DNAH8: variants seen among roughly 807,000 people sequenced by gnomAD.
DNAH8 encodes the protein dynein axonemal heavy chain 8, also known as axonemal beta dynein heavy chain 8.
DNAH8 carries 382 observed loss-of-function variants against 562.1 expected under a neutral mutation model. The observed-to-expected ratio is 0.68, with a 90% CI of 0.63 to 0.74. DNAH8 has a LOEUF of 0.74. DNAH8 is among the 30% of genes least tolerant of loss of function. The probability of loss-of-function intolerance (pLI) is 0.00; values close to 1 mark genes in which losing one functional copy is unlikely to be tolerated. For synonymous variants in DNAH8, 1,881 were observed against 1,919.4 expected, an observed-to-expected ratio of 0.98 and a Z score of 0.52; for missense variants, 5,203 against 5,620.4, an observed-to-expected ratio of 0.93 and a Z score of 2.37.
Position 38,938,099 on chromosome 6 carries a change from G to A in DNAH8, c.11689G>A (p.Glu3897Lys), listed in dbSNP as rs1783115290. ...TEIKINAAQE[E>K]FRPAATRGSI... ...GATCAAGATCAACGCGGCTCAGGAG[G>A]AGTTCCGGCCCGCAGCCACCCGCGG... The change falls in exon 78 of 93, where the codon GAG becomes AAG. Residue 3897 changes from glutamate to lysine, a missense_variant. Physicochemically the swap from Glu to Lys is moderately conservative, Grantham distance 56. Around this residue, in one of 6 missense-constraint regions of DNAH8, gnomAD observed 1,399 missense variants for 1,518.4 expected, o/e 0.92. Transcript: ENST00000327475. The A allele has an allele frequency of 6.2e-7, 1 of 1,614,046 alleles. No homozygotes were observed. Among genetic ancestry groups the A allele is most frequent in the Non-Finnish European group, 8.5e-7 (1 of 1,180,008 alleles).
intron 62 of DNAH8, among the ~76,000 whole-genome samples, chr6:38,901,746 G>T (rs1780096586): frequency 6.6e-6 from 1 of 151,588 alleles, no homozygotes; most frequent in Non-Finnish European, 1.5e-5. Flanking sequence ...CCAAACAAAA[G>T]AAAAATAAAA....
intron 25 of DNAH8, among the ~76,000 whole-genome samples, chr6:38,815,261 G>A (rs1772140156): frequency 6.6e-6 from 1 of 152,166 alleles, no homozygotes; most frequent in Non-Finnish European, 1.5e-5. Flanking sequence ...GTGGTGTAAT[G>A]AGGCTTGCAG....
intron 84 of DNAH8, 139 bp downstream of exon 84, chr6:38,973,952 A>G (rs1729173995): frequency 1.7e-6 from 1 of 591,810 alleles, no homozygotes; most frequent in African/African-American, 1.9e-5. Flanking sequence ...TAATACTATA[A>G]TCATCAAAAT....
At chr6:38,882,431 GC>G (rs2150464826) in intron 53 of DNAH8, among the ~76,000 whole-genome samples, 1 of 152,256 alleles carries the variant, frequency 6.6e-6, no homozygotes, top group African/African-American at 2.4e-5. Flanking sequence ...GGAGCTGGAA[GC>G]CATTATCCTA....
rs143930408 is a variant in DNAH8 at position 38,746,988 on chromosome 6, C to G, written c.1294-3488C>G. ...TAACCTAAATTTAAAATAGAATTGC[C>G]CTTTTCTTCTATTTCTAGGGTTTTA... is the stretch of plus-strand genomic sequence containing the variant. On this transcript the variant is annotated intron_variant, in intron 8 of 92. Coordinates refer to ENST00000327475, the MANE Select transcript of DNAH8 (RefSeq NM_001206927.2). Among the ~76,000 whole-genome samples the G allele has an allele frequency of 3.8e-3, 577 of 151,832 alleles. 4 individuals are homozygous for G. Among genetic ancestry groups the G allele is most frequent in the African/African-American group, 0.013 (554 of 41,430 alleles).
At position 38,797,257 on chromosome 6, in the gene DNAH8, C is replaced by T. The variant is rs565617157; in HGVS notation, c.2901+5583C>T. ...AAAAGTATAAAAATTAGTCGGGGGG[C>T]GGTGGTGGTGCATGCCTGTAATCCC... On this transcript the variant is annotated intron_variant, in intron 21 of 92. Coordinates refer to ENST00000327475, the MANE Select transcript of DNAH8 (RefSeq NM_001206927.2). Among the ~76,000 whole-genome samples, 210 of 151,974 alleles carry T rather than the reference C, an allele frequency of 1.4e-3. 1 individual carries two copies. The highest frequency in any genetic ancestry group is 2.4e-3 in the Non-Finnish European group (165 of 67,942).
chr6:38,978,297 G>C (rs1763805301), intron 85 of DNAH8, among the ~76,000 whole-genome samples: 2 of 152,244 alleles, frequency 1.3e-5, no homozygotes, highest in African/African-American at 4.8e-5. Flanking sequence ...CCTATCAATA[G>C]GGCCCAGGGA....
rs1768582259 is a variant in DNAH8, at chr6:38,781,325, G to A, written c.2211G>A (p.Trp737Ter). The A allele has an allele frequency of 6.2e-7, 1 of 1,613,458 alleles. No individual in the cohort carries two copies. Among genetic ancestry groups the A allele is most frequent in the Admixed American group, 1.7e-5 (1 of 59,962 alleles). ...NMPPIAGKILWVRQLYRRISE... is the reference protein window; with the variant it reads ...NMPPIAGKIL Reference sequence around the variant, plus strand: ...CCCCTATAGCAGGAAAAATACTCTGGGTGAGGCAGCTCTATCGCCGGATAA... The same window carrying A: ...CCCCTATAGCAGGAAAAATACTCTGAGTGAGGCAGCTCTATCGCCGGATAA... Residue 737 changes from tryptophan to a stop codon, truncating the protein, a stop_gained, in exon 16 of 93, where the codon TGG (tryptophan) becomes TGA (stop). Transcript: ENST00000327475. LOFTEE classifies it high-confidence loss of function.
At chr6:38,781,199 TTTGC>T (rs1768563300) in intron 15 of DNAH8, 51 bp from the exon 16 acceptor site, 1 of 1,587,070 alleles carries the variant, frequency 6.3e-7, no homozygotes, top group African/African-American at 1.3e-5. Context: ...GTATATATTT[TTTGC>T]CTTCTCCCTT....
chr6:38,813,954 A>T, intron 24 of DNAH8, 100 bp from the exon 25 acceptor site: 1 of 891,182 alleles, frequency 1.1e-6, no homozygotes, highest in Non-Finnish European at 1.8e-6. Context: ...TTGGCCTTTT[A>T]AAAATGATCT....
At chr6:38,747,400 T>C (rs1374777825) in intron 8 of DNAH8, among the ~76,000 whole-genome samples, 1 of 149,448 alleles carries the variant, frequency 6.7e-6, no homozygotes, top group East Asian at 2.0e-4. Context: ...TTTTTTTTTT[T>C]TTTTGAGGCA....
At chr6:38,984,123 C>A in intron 86 of DNAH8, 83 bp from the exon 87 acceptor site, 1 of 750,552 alleles carries the variant, frequency 1.3e-6, no homozygotes, top group Non-Finnish European at 2.2e-6. Context: ...TTTTCCAGAC[C>A]TTTCCTCTAG....
At chr6:38,895,452 T>A (rs964534119) in intron 59 of DNAH8, among the ~76,000 whole-genome samples, 1 of 152,212 alleles carries the variant, frequency 6.6e-6, no homozygotes, top group African/African-American at 2.4e-5. Context: ...TTTCATTGTA[T>A]ATATTTTCTA....
chr6:38,943,889 A>G (rs506672), intron 79 of DNAH8, among the ~76,000 whole-genome samples: 11,804 of 152,232 alleles, frequency 0.078, 603 homozygotes, highest in Non-Finnish European at 0.1. Context: ...GGTAGATTCT[A>G]TCAGACATCC....
At chr6:38,896,756 C>T in intron 60 of DNAH8, among the ~76,000 whole-genome samples, 1 of 152,056 alleles carries the variant, frequency 6.6e-6, no homozygotes. Context: ...TTTTATTAGA[C>T]TTACTAGCTA....
intron 10 of DNAH8, among the ~76,000 whole-genome samples, chr6:38,759,807 T>C (rs766197771): frequency 7.2e-5 from 11 of 152,126 alleles, no homozygotes; most frequent in Non-Finnish European, 1.2e-4. Context: ...AAAATCCCCC[T>C]TACCTCTGAT....
intron 92 of DNAH8, 126 bp from the exon 93 acceptor site, chr6:39,029,978 CT>C (rs1382747381): frequency 1.4e-6 from 1 of 726,954 alleles, no homozygotes; most frequent in Non-Finnish European, 2.3e-6. Flanking sequence ...CCCGGTGGTG[CT>C]TTCTCCCTTT....
chr6:38,829,667 C>A (rs763054083), intron 30 of DNAH8, among the ~76,000 whole-genome samples: 2 of 152,144 alleles, frequency 1.3e-5, no homozygotes, highest in Non-Finnish European at 2.9e-5. Context: ...TTATTTCAGA[C>A]TCTCAATTTC....
intron 23 of DNAH8, 51 bp downstream of exon 23, chr6:38,805,647 G>T: frequency 9.5e-7 from 1 of 1,056,708 alleles, no homozygotes; most frequent in Non-Finnish European, 1.4e-6. Context: ...TGGTTTATAG[G>T]ATTATAGATA....
Sources: gnomAD v4.1 joint callset for allele counts (sites outside exome capture counted in the v4.1 genomes callset) on GRCh38, gnomAD v4.1.1 for gene constraint, gnomAD v4.1.1 regional missense constraint, MANE v1.5 for transcripts, NCBI Gene and HGNC (gene_info 2026-07-23, HGNC 2026-07-21) for gene names.